The following PHKG2 variants were observed in gnomAD, a reference collection of about 807,000 sequenced individuals.
PHKG2 encodes phosphorylase kinase catalytic subunit gamma 2, also known as phosphorylase b kinase gamma catalytic chain, liver/testis isoform.
Under a neutral mutation model 44.5 loss-of-function variants are expected in PHKG2, and 28 were observed. The observed-to-expected ratio is 0.63, with a 90% CI of 0.47 to 0.86. The LOEUF is 0.86. Among genes scored for constraint, PHKG2 ranks in the 40% least tolerant of loss-of-function variants. The probability of loss-of-function intolerance (pLI) is 0.00; values close to 1 mark genes in which losing one functional copy is unlikely to be tolerated. For synonymous variants in PHKG2, 220 were observed against 211.2 expected (o/e 1.04, Z -0.36); for missense variants, 498 against 547.5 (o/e 0.91, Z 0.90).
In PHKG2 at chr16:30,757,435, G is replaced by A. The variant is rs1430879109; in HGVS notation, c.*338G>A. 1.3e-6 allele frequency: 2 copies of A among 1,592,272 alleles called. No individual in the cohort carries two copies. Among genetic ancestry groups the A allele is most frequent in the African/African-American group, 1.3e-5 (1 of 74,828 alleles). Reference sequence around the variant, plus strand: ...GTGCTCAGCAGGGTGCAGGGATGGTGCCATTCTGGCCCAGACCTTTATTGG... The same window carrying A: ...GTGCTCAGCAGGGTGCAGGGATGGTACCATTCTGGCCCAGACCTTTATTGG... On this transcript the variant is annotated 3_prime_UTR_variant, in exon 10 of 10. Coordinates refer to ENST00000563588, the MANE Select transcript of PHKG2 (RefSeq NM_000294.3).
rs2053682780 is a variant in PHKG2 at position 30,760,479 on chromosome 16, A to C, written c.*3382A>C. The C allele has an allele frequency of 6.2e-7, 1 of 1,612,912 alleles. No homozygotes were observed. The highest frequency in any genetic ancestry group is 1.7e-5 in the Admixed American group (1 of 59,968). On this transcript the variant is annotated 3_prime_UTR_variant, in exon 10 of 10. Coordinates refer to ENST00000563588, the MANE Select transcript of PHKG2 (RefSeq NM_000294.3). ...CTTGGGAGGGAGAGAGGAGTGAGTGACAACTGGGCCTCCTTTCATCACCCT... is the reference window on the plus strand; with the variant it reads ...CTTGGGAGGGAGAGAGGAGTGAGTGCCAACTGGGCCTCCTTTCATCACCCT...
chr16:30,757,960 A>G lies in PHKG2; in HGVS notation c.*863A>G. The G allele has an allele frequency of 2.1e-6, 1 of 469,452 alleles. No individual in the cohort carries two copies. The highest frequency in any genetic ancestry group is 3.3e-6 in the Non-Finnish European group (1 of 299,974). 29.1% of individuals were successfully genotyped at this position (469,452 alleles called of 1,614,324 possible). On this transcript the variant is annotated 3_prime_UTR_variant, in exon 10 of 10. Transcript: ENST00000563588. ...AAATGTGGATAGTGATACCTAGCAC[A>G]TAGGATTGAGGGAGGATTAAATGAG... is the stretch of plus-strand genomic sequence containing the variant.
Position 30,759,300 on chromosome 16 carries a change from G to T in PHKG2, c.*2203G>T. ...AAGGAGTGCACCTGTGCTGAGGGGA[G>T]GGGCGGTTGAGGGTGGCTCCTCATG... is the stretch of plus-strand genomic sequence containing the variant. On this transcript the variant is annotated 3_prime_UTR_variant, in exon 10 of 10. Coordinates refer to ENST00000563588, the MANE Select transcript of PHKG2 (RefSeq NM_000294.3). The T allele has an allele frequency of 6.2e-7, 1 of 1,612,858 alleles. No homozygotes were observed. Among genetic ancestry groups the T allele is most frequent in the Non-Finnish European group, 8.5e-7 (1 of 1,178,988 alleles).
chr16:30,749,073 G>C (rs71383764), intron 2 of PHKG2, among the ~76,000 whole-genome samples, 158 bp downstream of exon 2: 1,200 of 20,420 alleles, frequency 0.059, 257 homozygotes, highest in Admixed American at 0.074. Flanking sequence ...GGTGGTGGTG[G>C]TGGTGGTGGT....
chr16:30,750,003 G>A (rs1179974924), intron 2 of PHKG2, among the ~76,000 whole-genome samples: 1 of 152,092 alleles, frequency 6.6e-6, no homozygotes, highest in Non-Finnish European at 1.5e-5. Flanking sequence ...GTATGCGTGT[G>A]GTAGATGTCT....
intron 2 of PHKG2, 55 bp from the exon 3 acceptor site, chr16:30,751,051 G>T: frequency 1.3e-6 from 2 of 1,578,022 alleles, no homozygotes; most frequent in Non-Finnish European, 8.7e-7. Flanking sequence ...GCCCCAGCCT[G>T]TGCGGAAATG....
rs149242536 is a variant in PHKG2, at chr16:30,757,697, G to T, written c.*600G>T. The stretch of plus-strand genomic sequence containing the variant: ...AAGGGGCAGGGTGAGGAGAGATGCT[G>T]TCTGGCAATGGGGGGATGGTCCCTA... On this transcript the variant is annotated 3_prime_UTR_variant, in exon 10 of 10. Transcript: ENST00000563588. 4 of 1,567,250 alleles carry T rather than the reference G, an allele frequency of 2.6e-6. No homozygotes were observed. Among genetic ancestry groups the T allele is most frequent in the Non-Finnish European group, 3.5e-6 (4 of 1,154,720 alleles).
rs2053282009 is a variant in PHKG2 at position 30,748,505 on chromosome 16, G to C, written c.-19+15G>C. On this transcript the variant is annotated intron_variant, in intron 1 of 9. Coordinates refer to ENST00000563588, the MANE Select transcript of PHKG2 (RefSeq NM_000294.3). ...TGCCCCCTCAGGTGAGCCTGCGCTA[G>C]ACCCCCGTCCCCTTCCTGCGCCCGC... 2.2e-6 allele frequency: 1 copy of C among 454,668 alleles called. No homozygotes were observed. Among genetic ancestry groups the C allele is most frequent in the Non-Finnish European group, 4.0e-6 (1 of 251,152 alleles). 28.2% of individuals were successfully genotyped at this position (454,668 alleles called of 1,614,324 possible).
At chr16:30,749,054 G>GCT (rs2053297165) in intron 2 of PHKG2, 139 bp downstream of exon 2, 2 of 444,348 alleles carry the variant, frequency 4.5e-6, no homozygotes, top group Non-Finnish European at 8.0e-6. Flanking sequence ...TGGTGGTGGT[G>GCT]GTGGTGGTGG....
At chr16:30,751,422 A>G in intron 3 of PHKG2, 127 bp from the exon 4 acceptor site, 1 of 1,284,390 alleles carries the variant, frequency 7.8e-7, no homozygotes, top group Non-Finnish European at 1.1e-6. Context: ...TTGGGCGCCC[A>G]CTGCCTCCTC....
intron 9 of PHKG2, 29 bp downstream of exon 9, chr16:30,756,744 C>T (rs756220043): frequency 2.5e-6 from 4 of 1,614,064 alleles, no homozygotes; most frequent in South Asian, 1.1e-5. Context: ...GGGTCTGGGC[C>T]CGTTTCTCTG....
Position 30,760,046 on chromosome 16 carries a change from A to AC in PHKG2, c.*2950dup, listed in dbSNP as rs2053644653. 5 of 1,519,696 alleles carry AC rather than the reference A, an allele frequency of 3.3e-6. No homozygotes were observed. In the South Asian group the frequency reaches 4.9e-5, roughly 15 times the overall value. The allele number at this position is 1,519,696 out of a possible 1,614,324, so 94.1% of individuals were successfully genotyped here. On this transcript the variant is annotated 3_prime_UTR_variant, in exon 10 of 10. Coordinates refer to ENST00000563588, the MANE Select transcript of PHKG2 (RefSeq NM_000294.3). The stretch of plus-strand genomic sequence containing the variant: ...CATTCTAAAGCAGGTGTTATTGTGC[A>AC]CTATGCATATATTTGCATATATTAT...
rs184619676 is a variant in PHKG2, at chr16:30,757,403, C to G, written c.*306C>G. 1 of 1,554,872 alleles carries G rather than the reference C, an allele frequency of 6.4e-7. No homozygotes were observed. Among genetic ancestry groups the G allele is most frequent in the South Asian group, 1.2e-5 (1 of 80,762 alleles). ...GTCTGTCTGGCTTGGGCAGGAAAGC[C>G]CAGAAGGTGCTCAGCAGGGTGCAGG... On this transcript the variant is annotated 3_prime_UTR_variant, in exon 10 of 10. Transcript: ENST00000563588.
Position 30,759,605 on chromosome 16 carries a change from C to T in PHKG2, c.*2508C>T, listed in dbSNP as rs373882523. The T allele has an allele frequency of 1.9e-6, 3 of 1,613,964 alleles. No homozygotes were observed. The highest frequency in any genetic ancestry group is 2.5e-6 in the Non-Finnish European group (3 of 1,180,036). On this transcript the variant is annotated 3_prime_UTR_variant, in exon 10 of 10. Coordinates refer to ENST00000563588, the MANE Select transcript of PHKG2 (RefSeq NM_000294.3). ...TGAATGTGAGAGAGACTGGGTGAGA[C>T]CTTGTCTGGGGATGGGTAAAGTTTC... is the stretch of plus-strand genomic sequence containing the variant.
intron 6 of PHKG2, chr16:30,754,878 G>A (rs777588007): frequency 1.3e-5 from 6 of 456,038 alleles, no homozygotes; most frequent in South Asian, 9.3e-5. Flanking sequence ...CCTTCAGGTA[G>A]ACAGTGAGCT....
Position 30,753,446 on chromosome 16 carries a change from A to G in PHKG2, c.445A>G (p.Ile149Val), listed in dbSNP as rs2053378078. Residue 149 changes from isoleucine to valine, a missense_variant, in exon 6 of 10, where the codon ATT (isoleucine) becomes GTT (valine). Physicochemically the swap from Ile to Val is conservative, Grantham distance 29. Transcript: ENST00000563588. ...EAVSFLHANN[I>V]VHRDLKPENI... Reference sequence around the variant, plus strand: ...AGTGAGCTTTCTCCATGCCAACAACATTGTGCATCGAGATCTGAAGCCCGA... The same window carrying G: ...AGTGAGCTTTCTCCATGCCAACAACGTTGTGCATCGAGATCTGAAGCCCGA... 2 of 1,613,938 alleles carry G rather than the reference A, an allele frequency of 1.2e-6. No homozygotes were observed. Among genetic ancestry groups the G allele is most frequent in the East Asian group, 2.2e-5 (1 of 44,880 alleles).
Position 30,758,979 on chromosome 16 carries a change from G to A in PHKG2, c.*1882G>A, listed in dbSNP as rs776645687. 1.3e-5 allele frequency: 21 copies of A among 1,613,214 alleles called. No homozygotes were observed. Among genetic ancestry groups the A allele is most frequent in the Non-Finnish European group, 1.7e-5 (20 of 1,179,662 alleles). The stretch of plus-strand genomic sequence containing the variant: ...CCCTTCATTCTACACCTGCTCAGAG[G>A]GACAGGGCAGCCTGCCCTCTCCAGA... On this transcript the variant is annotated 3_prime_UTR_variant, in exon 10 of 10. Coordinates refer to ENST00000563588, the MANE Select transcript of PHKG2 (RefSeq NM_000294.3).
intron 2 of PHKG2, among the ~76,000 whole-genome samples, chr16:30,749,967 G>T (rs879110052): frequency 2.6e-5 from 4 of 152,024 alleles, no homozygotes; most frequent in African/African-American, 7.2e-5. Flanking sequence ...AGGAGTTCAG[G>T]GGGGGGTCTT....
rs1162864491 is a variant in PHKG2, at chr16:30,760,430, A to G, written c.*3333A>G. The G allele has an allele frequency of 6.2e-7, 1 of 1,614,128 alleles. No homozygotes were observed. The highest frequency in any genetic ancestry group is 1.1e-5 in the South Asian group (1 of 91,088). Reference sequence around the variant, plus strand: ...CCTCAGGCTCTGCTCAGGACACCCTAGCTCCAGCAGCTCAGCCAGCACCCT... The same window carrying G: ...CCTCAGGCTCTGCTCAGGACACCCTGGCTCCAGCAGCTCAGCCAGCACCCT... On this transcript the variant is annotated 3_prime_UTR_variant, in exon 10 of 10. Coordinates refer to ENST00000563588, the MANE Select transcript of PHKG2 (RefSeq NM_000294.3).
Sources: allele counts gnomAD v4.1 joint callset (sites outside exome capture counted in the v4.1 genomes callset), GRCh38; gene constraint gnomAD v4.1.1; transcripts MANE v1.5; gene names NCBI Gene and HGNC (gene_info 2026-07-23, HGNC 2026-07-21).